Variants in CEP85L observed in about 807,000 individuals in gnomAD.
CEP85L encodes the protein centrosomal protein 85L.
A neutral mutation model predicts 100.3 loss-of-function variants in CEP85L; 60 were observed. The ratio of observed to expected loss-of-function variants is 0.60; its 90% confidence interval spans 0.49 to 0.74. The LOEUF (loss-of-function observed/expected upper bound fraction) is 0.74. Among genes scored for constraint, CEP85L ranks in the 30% least tolerant of loss-of-function variants. The pLI is 0.00. For missense variants in CEP85L, 973 were observed against 936.2 expected, an observed-to-expected ratio of 1.04 and a Z score of -0.51; for synonymous variants, 319 against 322.7, an observed-to-expected ratio of 0.99 and a Z score of 0.12.
intron 2 of CEP85L, among the ~76,000 whole-genome samples, chr6:118,630,628 GAA>G (rs1202467876): frequency 6.6e-6 from 1 of 152,216 alleles, no homozygotes; most frequent in East Asian, 1.9e-4. Flanking sequence ...ATCAAGCCAT[GAA>G]AAGACATGGA....
At chr6:118,570,718 G>T (rs988252784) in intron 2 of CEP85L, among the ~76,000 whole-genome samples, 2 of 152,272 alleles carry the variant, frequency 1.3e-5, no homozygotes, top group East Asian at 3.9e-4. Context: ...CTAAATAAGT[G>T]ATTTTGCTGC....
intron 3 of CEP85L, among the ~76,000 whole-genome samples, chr6:118,543,977 T>G (rs1031447928): frequency 2.0e-5 from 3 of 152,188 alleles, no homozygotes; most frequent in African/African-American, 7.2e-5. Context: ...TTTCACAATC[T>G]GCATTTGGTT....
At chr6:118,636,066 C>T (rs2115334644) in intron 1 of CEP85L, among the ~76,000 whole-genome samples, 1 of 152,256 alleles carries the variant, frequency 6.6e-6, no homozygotes, top group South Asian at 2.1e-4. Flanking sequence ...CCAATTCTGC[C>T]ACTGTAGTCT....
intron 1 of CEP85L, among the ~76,000 whole-genome samples, chr6:118,698,020 A>T (rs1390480389): frequency 1.3e-5 from 2 of 152,128 alleles, no homozygotes; most frequent in East Asian, 3.9e-4. Context: ...CACTGGTCCC[A>T]CTGGGTCCTA....
intron 1 of CEP85L, among the ~76,000 whole-genome samples, chr6:118,678,628 T>C (rs1288947287): frequency 6.6e-6 from 1 of 152,258 alleles, no homozygotes; most frequent in Non-Finnish European, 1.5e-5. Flanking sequence ...ACTATATAAA[T>C]CATTGCTTTA....
At chr6:118,698,430 A>G (rs548213856) in intron 1 of CEP85L, among the ~76,000 whole-genome samples, 2 of 152,132 alleles carry the variant, frequency 1.3e-5, no homozygotes, top group African/African-American at 2.4e-5. Context: ...AGAGCAACTT[A>G]TGGCACAGAG....
At chr6:118,679,430 T>G (rs902779) in intron 1 of CEP85L, among the ~76,000 whole-genome samples, 68,967 of 152,036 alleles carry the variant, frequency 0.45, 16,272 homozygotes, top group African/African-American at 0.57. Flanking sequence ...AAATTGTTAG[T>G]TTATACAAGA....
At position 118,676,182 on chromosome 6, in the gene CEP85L, T is replaced by A. The variant is rs569486421; in HGVS notation, c.-27-23374A>T. ...GATCTATGTATACATGGTGGAATGA[T>A]TAAATCAAAGTAATTAGTAAAGCCA... On this transcript the variant is annotated intron_variant, in intron 1 of 13. Transcript: ENST00000368488. Among the ~76,000 whole-genome samples the A allele has an allele frequency of 3.3e-4, 50 of 152,334 alleles. No homozygotes were observed. In the South Asian group the frequency reaches 9.9e-3, roughly 30 times the overall value.
chr6:118,536,397 T>C (rs1031408924), intron 3 of CEP85L, among the ~76,000 whole-genome samples: 5 of 152,182 alleles, frequency 3.3e-5, no homozygotes, highest in Admixed American at 1.3e-4. Context: ...GGGAGATGTA[T>C]GTGGGTGTGT....
chr6:118,523,811 A>T lies in CEP85L; in HGVS notation c.1130T>A (p.Val377Glu). The change falls in exon 4 of 13, where the codon GTA becomes GAA. Residue 377 changes from valine (V) to glutamate (E), a missense_variant. Around this residue, in one of 3 missense-constraint regions of CEP85L, gnomAD observed 890 missense variants for 844.5 expected, o/e 1.05. Coordinates refer to ENST00000368491, the MANE Select transcript of CEP85L (RefSeq NM_001042475.3). ...TTTAAAATAGACTCACCGATCGATT[A>T]CAATTTCTTTCTGCCTTAGAAGTCC... is the stretch of plus-strand genomic sequence containing the variant. ...KEGLLRQKEI[V>E]IDRQKQQITH... 1 of 1,493,258 alleles carries T rather than the reference A, an allele frequency of 6.7e-7. No homozygotes were observed. The highest frequency in any genetic ancestry group is 9.3e-7 in the Non-Finnish European group (1 of 1,073,312). 92.5% of individuals were successfully genotyped at this position (1,493,258 alleles called of 1,614,324 possible).
intron 2 of CEP85L, among the ~76,000 whole-genome samples, chr6:118,590,010 G>A (rs1244901771): frequency 3.3e-5 from 5 of 152,004 alleles, no homozygotes; most frequent in African/African-American, 4.8e-5. Context: ...ATTGAGGCCA[G>A]TTCTGGGTGT....
intron 5 of CEP85L, among the ~76,000 whole-genome samples, chr6:118,498,519 G>A (rs1309142212): frequency 6.6e-6 from 1 of 151,586 alleles, no homozygotes; most frequent in Non-Finnish European, 1.5e-5. Flanking sequence ...TAGCAGCTTG[G>A]GAGGCCAAGG....
At chr6:118,576,836 T>G (rs2115054139) in intron 2 of CEP85L, among the ~76,000 whole-genome samples, 1 of 152,316 alleles carries the variant, frequency 6.6e-6, no homozygotes, top group South Asian at 2.1e-4. Context: ...CCATAGCCAT[T>G]GAAACACGGT....
rs6918284 is a variant in CEP85L, at chr6:118,594,993, C to A, written c.233-28677G>T. 6.2e-4 allele frequency among the ~76,000 whole-genome samples: 95 copies of A among 152,068 alleles called. 1 individual carries two copies. Among genetic ancestry groups the A allele is most frequent in the African/African-American group, 2.1e-3 (87 of 41,492 alleles). ...AGACTGTCCTGAGGAAGGTTACGAGCCAAGCCTAAGCAAAAAGTAAGTTTC... is the reference window on the plus strand; with the variant it reads ...AGACTGTCCTGAGGAAGGTTACGAGACAAGCCTAAGCAAAAAGTAAGTTTC... On this transcript the variant is annotated intron_variant, in intron 2 of 12. Transcript: ENST00000368491.
chr6:118,637,383 A>AGG (rs1774561873), intron 1 of CEP85L, among the ~76,000 whole-genome samples: 1 of 152,090 alleles, frequency 6.6e-6, no homozygotes, highest in South Asian at 2.1e-4. Context: ...ACAAAAAGTA[A>AGG]GCAAACCACA....
intron 3 of CEP85L, among the ~76,000 whole-genome samples, chr6:118,524,529 A>T (rs535418528): frequency 3.9e-5 from 6 of 152,346 alleles, no homozygotes; most frequent in East Asian, 1.9e-4. Context: ...TGGAAATGAG[A>T]TTAATCATTA....
intron 11 of CEP85L, 94 bp from the exon 12 acceptor site, chr6:118,469,397 C>A: frequency 3.3e-6 from 3 of 923,028 alleles, no homozygotes; most frequent in South Asian, 1.5e-5. Flanking sequence ...AGTCTATAAA[C>A]AAAACGATGG....
At chr6:118,702,008 C>G (rs1019678120) in intron 1 of CEP85L, among the ~76,000 whole-genome samples, 3 of 152,150 alleles carry the variant, frequency 2.0e-5, no homozygotes, top group Non-Finnish European at 2.9e-5. Context: ...AGAAGAATAA[C>G]AGTAATATAG....
At chr6:118,709,532 C>CGTGTATGTGTGTGTGTGT (rs1777713829) in intron 1 of CEP85L, among the ~76,000 whole-genome samples, 1 of 87,158 alleles carries the variant, frequency 1.1e-5, no homozygotes, top group African/African-American at 4.3e-5. Context: ...CAACAATTGG[C>CGTGTATGTGTGTGTGTGT]GTGTGTGTGT....
Sources: allele counts gnomAD v4.1 joint callset (sites outside exome capture counted in the v4.1 genomes callset), GRCh38; gene constraint gnomAD v4.1.1; regional missense constraint gnomAD v4.1.1; transcripts MANE v1.5; gene names NCBI Gene and HGNC (gene_info 2026-07-23, HGNC 2026-07-21).